The following RBPJ variants were observed in gnomAD, a reference collection of about 807,000 sequenced individuals.
RBPJ encodes the protein recombination signal binding protein for immunoglobulin kappa J region.
A neutral mutation model predicts 67.8 loss-of-function variants in RBPJ; 9 were observed. The observed-to-expected ratio is 0.13, with a 90% CI of 0.08 to 0.23. The LOEUF is 0.23. Among genes scored for constraint, RBPJ ranks in the 10% least tolerant of loss-of-function variants. The probability of loss-of-function intolerance (pLI) is 1.00; values close to 1 mark genes in which losing one functional copy is unlikely to be tolerated. For synonymous variants in RBPJ, 198 were observed against 203.3 expected, an observed-to-expected ratio of 0.97 and a Z score of 0.22; for missense variants, 305 against 595.6, an observed-to-expected ratio of 0.51 and a Z score of 5.08.
At chr4:26,177,213 C>A (rs990062843) in intron 1 of RBPJ, among the ~76,000 whole-genome samples, 4 of 152,190 alleles carry the variant, frequency 2.6e-5, no homozygotes, top group African/African-American at 9.6e-5. Flanking sequence ...TCAAGCCTTT[C>A]GCTCTAGCTC....
At chr4:26,267,113 T>C (rs1357936457) in intron 1 of RBPJ, among the ~76,000 whole-genome samples, 2 of 152,208 alleles carry the variant, frequency 1.3e-5, no homozygotes, top group African/African-American at 4.8e-5. Context: ...AAGCCCAGTA[T>C]TGACTTCGCC....
At chr4:26,247,602 G>A (rs1046278300) in intron 1 of RBPJ, among the ~76,000 whole-genome samples, 14 of 152,060 alleles carry the variant, frequency 9.2e-5, no homozygotes, top group Admixed American at 9.2e-4. Flanking sequence ...TAGAGGCGGG[G>A]TTTCTCCACC....
chr4:26,118,097 C>T, the RBPJ span, among the ~76,000 whole-genome samples: 5 of 151,970 alleles, frequency 3.3e-5, no homozygotes, highest in African/African-American at 1.2e-4. Flanking sequence ...CTTGCTTGAG[C>T]CAAAGCTATG....
At chr4:26,395,435 T>A (rs1732022715) in intron 2 of RBPJ, among the ~76,000 whole-genome samples, 1 of 152,140 alleles carries the variant, frequency 6.6e-6, no homozygotes, top group Non-Finnish European at 1.5e-5. Context: ...GGTGACAAAG[T>A]GAGAATCTGC....
intron 1 of RBPJ, among the ~76,000 whole-genome samples, chr4:26,168,163 A>G (rs905455549): frequency 6.0e-5 from 9 of 150,976 alleles, no homozygotes; most frequent in African/African-American, 2.2e-4. Flanking sequence ...GTTTCTTCCT[A>G]GTCTCGATGG....
At chr4:26,133,313 T>C in the RBPJ span, among the ~76,000 whole-genome samples, 1 of 152,238 alleles carries the variant, frequency 6.6e-6, no homozygotes, top group Non-Finnish European at 1.5e-5. Context: ...CAATGGTTCA[T>C]GCCTGGAATC....
At chr4:26,321,776 C>G (rs1410060092) in intron 1 of RBPJ, 3 of 152,624 alleles carry the variant, frequency 2.0e-5, no homozygotes, top group African/African-American at 7.2e-5. Flanking sequence ...CTCCCGTCAT[C>G]GGTTGATTTA....
At chr4:26,301,546 G>C (rs1269911411) in intron 1 of RBPJ, among the ~76,000 whole-genome samples, 1 of 150,990 alleles carries the variant, frequency 6.6e-6, no homozygotes, top group Non-Finnish European at 1.5e-5. Context: ...GAGCCAAAAT[G>C]GCGCCACTGC....
chr4:26,270,919 C>T (rs1410121816), intron 1 of RBPJ, among the ~76,000 whole-genome samples: 6 of 152,002 alleles, frequency 3.9e-5, no homozygotes, highest in African/African-American at 7.2e-5. Flanking sequence ...CAGTCACCCA[C>T]GGTCAACCAT....
intron 7 of RBPJ, among the ~76,000 whole-genome samples, chr4:26,427,093 T>A (rs1735752783): frequency 6.6e-6 from 1 of 152,190 alleles, no homozygotes; most frequent in African/African-American, 2.4e-5. Flanking sequence ...GTTGTCATAA[T>A]TGAGGCAAGA....
intron 2 of RBPJ, among the ~76,000 whole-genome samples, chr4:26,390,738 G>A (rs1409344563): frequency 6.6e-6 from 1 of 152,180 alleles, no homozygotes; most frequent in Admixed American, 6.5e-5. Context: ...CTAATTAAAT[G>A]TTCTTCAGGT....
intron 1 of RBPJ, among the ~76,000 whole-genome samples, 164 bp from the exon 2 acceptor site, chr4:26,386,189 G>A (rs538822877): frequency 3.3e-4 from 50 of 152,172 alleles, no homozygotes; most frequent in Middle Eastern, 3.4e-3. Context: ...TGTGTGTTTT[G>A]TAATTTTGGG....
the RBPJ span, among the ~76,000 whole-genome samples, chr4:26,129,990 T>C: frequency 9.2e-5 from 14 of 152,282 alleles, no homozygotes; most frequent in East Asian, 5.8e-4. Context: ...GCCTTCTTAG[T>C]AGCTGGGAGT....
intron 1 of RBPJ, among the ~76,000 whole-genome samples, chr4:26,210,831 T>C (rs1182741568): frequency 6.9e-6 from 1 of 145,676 alleles, no homozygotes; most frequent in Non-Finnish European, 1.5e-5. Context: ...GTCTGGCTCT[T>C]TTATTGGTGT....
chr4:26,187,808 G>C (rs1258785817), intron 1 of RBPJ, among the ~76,000 whole-genome samples: 1 of 151,994 alleles, frequency 6.6e-6, no homozygotes, highest in Non-Finnish European at 1.5e-5. Context: ...GATCACCTGA[G>C]GACAGGAGTT....
chr4:26,386,443 A>C (rs1169849406), intron 2 of RBPJ, 52 bp downstream of exon 2: 3 of 1,230,302 alleles, frequency 2.4e-6, no homozygotes, highest in African/African-American at 3.1e-5. Flanking sequence ...GAAAGTATAA[A>C]TCTTATTGTT....
At chr4:26,273,699 TC>T (rs1720985642) in intron 1 of RBPJ, among the ~76,000 whole-genome samples, 1 of 152,258 alleles carries the variant, frequency 6.6e-6, no homozygotes, top group Admixed American at 6.5e-5. Context: ...CTCAACTGCC[TC>T]CCTCCCCTCC....
intron 1 of RBPJ, among the ~76,000 whole-genome samples, chr4:26,271,396 G>A (rs1346872295): frequency 1.3e-5 from 2 of 152,188 alleles, no homozygotes; most frequent in East Asian, 3.9e-4. Flanking sequence ...ATAAAGGAGA[G>A]GGGAGGGGAG....
chr4:26,283,221 T>G (rs13133257), intron 1 of RBPJ, among the ~76,000 whole-genome samples: 81,577 of 147,438 alleles, frequency 0.55, 23,549 homozygotes, highest in African/African-American at 0.74. Context: ...GAGCCACCGC[T>G]CCCGGCCTCT....
Sources: allele counts gnomAD v4.1 joint callset (sites outside exome capture counted in the v4.1 genomes callset), GRCh38; gene constraint gnomAD v4.1.1; transcripts MANE v1.5; gene names NCBI Gene and HGNC (gene_info 2026-07-23, HGNC 2026-07-21).